EIF4B: variants seen among roughly 807,000 people sequenced by gnomAD.
EIF4B encodes eukaryotic translation initiation factor 4B.
In EIF4B, 8 loss-of-function variants were observed where a neutral mutation model predicts 79.3. That is an observed-to-expected ratio of 0.10 (90% CI 0.06 to 0.18). EIF4B has a LOEUF of 0.18. Ranked by LOEUF, EIF4B falls within the 10% of genes least tolerant of loss-of-function variation. EIF4B has a pLI of 1.00. For missense variants in EIF4B, 515 were observed against 792.4 expected, an observed-to-expected ratio of 0.65 and a Z score of 4.20; for synonymous variants, 238 against 274.7, an observed-to-expected ratio of 0.87 and a Z score of 1.32.
intron 5 of EIF4B, 134 bp downstream of exon 5, chr12:53,021,994 C>A: frequency 2.8e-6 from 3 of 1,072,828 alleles, no homozygotes; most frequent in Non-Finnish European, 4.1e-6. Context: ...ATCAGTTTTG[C>A]CCCACAGGGG....
chr12:53,022,447 A>C (rs943196617), intron 5 of EIF4B, 46 bp from the exon 6 acceptor site: 3 of 1,601,866 alleles, frequency 1.9e-6, no homozygotes, highest in African/African-American at 2.7e-5. Context: ...TATTGGGCAA[A>C]GTTTTTATGA....
intron 1 of EIF4B, among the ~76,000 whole-genome samples, chr12:53,012,563 AAG>A (rs1943082187): frequency 6.6e-6 from 1 of 151,934 alleles, no homozygotes. Flanking sequence ...CTCAAAAAAA[AAG>A]ACTTATCCAA....
At chr12:53,035,379 T>TA (rs1184913075) in intron 10 of EIF4B, among the ~76,000 whole-genome samples, 2 of 151,478 alleles carry the variant, frequency 1.3e-5, no homozygotes, top group Non-Finnish European at 2.9e-5. Context: ...TTATTTTCTT[T>TA]TTTTTTTGAG....
intron 1 of EIF4B, among the ~76,000 whole-genome samples, chr12:53,010,690 A>G (rs1455069032): frequency 6.6e-6 from 1 of 152,162 alleles, no homozygotes; most frequent in African/African-American, 2.4e-5. Context: ...ACTATGGCTC[A>G]GGCTGGAGTG....
At position 53,019,996 on chromosome 12, in the gene EIF4B, C is replaced by T. The variant is rs1943221988; in HGVS notation, c.447C>T (p.Ser149=). 2 of 1,611,390 alleles carry T rather than the reference C, an allele frequency of 1.2e-6. No homozygotes were observed. Among genetic ancestry groups the T allele is most frequent in the African/African-American group, 1.3e-5 (1 of 74,732 alleles). Residue 149 remains serine, a synonymous_variant, in exon 4 of 15, where the codon TCC becomes TCT. Transcript: ENST00000262056. Reference sequence around the variant, plus strand: ...ATGCTGAATTTGAGGACCTGGATTCCCTGCTCAGTGCCCTGAGTCTCAATG... The same window carrying T: ...ATGCTGAATTTGAGGACCTGGATTCTCTGCTCAGTGCCCTGAGTCTCAATG... ...FGYAEFEDLD[S]LLSALSLNEE... is the part of the protein sequence containing the mutation.
chr12:53,009,773 A>G (rs959344556), intron 1 of EIF4B, among the ~76,000 whole-genome samples: 4 of 152,226 alleles, frequency 2.6e-5, no homozygotes, highest in Non-Finnish European at 5.9e-5. Flanking sequence ...TAAGATACCC[A>G]GAAGGCCAAA....
In EIF4B at chr12:53,034,649, G is replaced by C. The variant is rs1565592301; in HGVS notation, c.1246G>C (p.Glu416Gln). The change falls in exon 10 of 15, where the codon GAA (glutamate) becomes CAA (glutamine). Residue 416 changes from glutamate (E) to glutamine (Q), a missense_variant. This residue lies in a region of EIF4B where 146 missense variants were observed against 228.0 expected (regional missense o/e 0.64). Coordinates refer to ENST00000262056, the MANE Select transcript of EIF4B (RefSeq NM_001417.7). ...SWRSEETQER[E>Q]RSRTGSESSQ... ...GCGAAGTGAAGAAACTCAGGAACGG[G>C]AACGGTCGAGGACAGGAAGTGAGTC... The C allele has an allele frequency of 4.3e-6, 7 of 1,613,874 alleles. No homozygotes were observed. The South Asian group carries it at 4.4e-5, about 10-fold the overall frequency.
intron 8 of EIF4B, among the ~76,000 whole-genome samples, chr12:53,032,546 A>G (rs1194139249): frequency 6.6e-6 from 1 of 152,238 alleles, no homozygotes; most frequent in African/African-American, 2.4e-5. Context: ...ATTTCTTCCC[A>G]TATAAAAGAA....
chr12:53,030,413 C>CTTTTTTTGTTTTTTTTTTTTTTT (rs1943415830), intron 8 of EIF4B, among the ~76,000 whole-genome samples: 1 of 43,066 alleles, frequency 2.3e-5, no homozygotes, highest in Non-Finnish European at 5.9e-5. Flanking sequence ...AAATTATATT[C>CTTTTTTTGTTTTTTTTTTTTTTT]TTTTTTTTTT....
intron 6 of EIF4B, 79 bp from the exon 7 acceptor site, chr12:53,027,703 A>G: frequency 1.3e-6 from 2 of 1,508,836 alleles, no homozygotes; most frequent in South Asian, 2.7e-5. Flanking sequence ...GATTCTTCCA[A>G]ATTGGACTGA....
At chr12:53,025,206 A>G (rs1053153477) in intron 6 of EIF4B, 5 of 455,722 alleles carry the variant, frequency 1.1e-5, no homozygotes, top group Non-Finnish European at 1.8e-5. Flanking sequence ...GCATTTATGC[A>G]AGAGATTCTA....
chr12:53,035,953 G>A (rs1434652175), intron 10 of EIF4B, among the ~76,000 whole-genome samples: 1 of 26,470 alleles, frequency 3.8e-5, no homozygotes, highest in African/African-American at 1.5e-4. Flanking sequence ...GAGTAGATGG[G>A]ATTACAGGTG....
intron 3 of EIF4B, 149 bp downstream of exon 3, chr12:53,019,155 C>G: frequency 2.0e-6 from 2 of 1,003,422 alleles, no homozygotes; most frequent in Non-Finnish European, 2.9e-6. Flanking sequence ...TCCCAGCACT[C>G]TGGGAGTCTG....
At chr12:53,026,220 A>G (rs532198786) in intron 6 of EIF4B, among the ~76,000 whole-genome samples, 1 of 151,788 alleles carries the variant, frequency 6.6e-6, no homozygotes, top group African/African-American at 2.4e-5. Context: ...TTTTTTTTTT[A>G]ACTTTAAAAT....
In EIF4B at chr12:53,018,983, A is replaced by G. The variant is rs774840615; in HGVS notation, c.337A>G (p.Lys113Glu). The stretch of plus-strand genomic sequence containing the variant: ...CTATGATGTTACAGAAGAGTCAATT[A>G]AGGAATTCTTTCGAGGATTAAATGT... ...LPYDVTEESIKEFFRGLNISA... is the reference protein window; with the variant it reads ...LPYDVTEESIEEFFRGLNISA... Residue 113 changes from lysine (K) to glutamate (E), a missense_variant, in exon 3 of 15, where the codon AAG becomes GAG. Physicochemically the swap from Lys to Glu is moderately conservative, Grantham distance 56. Transcript: ENST00000262056. 3 of 1,613,794 alleles carry G rather than the reference A, an allele frequency of 1.9e-6. No homozygotes were observed. Among genetic ancestry groups the G allele is most frequent in the Admixed American group, 3.3e-5 (2 of 59,984 alleles).
chr12:53,012,130 A>G (rs908498920), intron 1 of EIF4B: 3 of 152,194 alleles, frequency 2.0e-5, no homozygotes, highest in African/African-American at 7.2e-5. Flanking sequence ...CACCTACTTT[A>G]GGTTTATTGA....
chr12:53,041,125 TATC>T lies in EIF4B; in HGVS notation c.*909_*911del, dbSNP rs1943629322. ...CCTTGAAACTAAAAATTTAGACTCT[TATC>T]ATCATCTTAAGTTCTTCATGCTACT... On this transcript the variant is annotated 3_prime_UTR_variant, in exon 15 of 15. Transcript: ENST00000262056. 1 of 152,176 alleles carries T rather than the reference TATC, an allele frequency of 6.6e-6. No individual in the cohort carries two copies. The highest frequency in any genetic ancestry group is 2.1e-4 in the South Asian group (1 of 4,832). The allele number at this position is 152,176 out of a possible 1,614,324, so 9.4% of individuals were successfully genotyped here.
intron 3 of EIF4B, among the ~76,000 whole-genome samples, chr12:53,019,435 A>ATTTTTTTTTTTCTTTTTT (rs759250282): frequency 2.5e-5 from 1 of 39,452 alleles, no homozygotes. Flanking sequence ...ATATATATAT[A>ATTTTTTTTTTTCTTTTTT]TATTTTTTTT....
chr12:53,039,046 TTTG>T (rs1943586038), intron 12 of EIF4B, 189 bp from the exon 13 acceptor site: 2 of 484,670 alleles, frequency 4.1e-6, no homozygotes, highest in Admixed American at 3.8e-5. Context: ...GTGGATTTTG[TTTG>T]TTTTTTGTAT....
Sources: gnomAD v4.1 joint callset for allele counts (sites outside exome capture counted in the v4.1 genomes callset) on GRCh38, gnomAD v4.1.1 for gene constraint, gnomAD v4.1.1 regional missense constraint, MANE v1.5 for transcripts, NCBI Gene and HGNC (gene_info 2026-07-23, HGNC 2026-07-21) for gene names.